PTPRK: variants seen among roughly 807,000 people sequenced by gnomAD.
PTPRK encodes protein tyrosine phosphatase receptor type K.
A neutral mutation model predicts 178.0 loss-of-function variants in PTPRK; 75 were observed. The observed-to-expected ratio is 0.42, with a 90% CI of 0.35 to 0.51. The LOEUF (loss-of-function observed/expected upper bound fraction) is 0.51, where lower values mean the gene tolerates loss of function less well. PTPRK is among the 20% of genes least tolerant of loss of function. The pLI, the probability that PTPRK is intolerant of heterozygous loss-of-function variation, is 0.02. For missense variants in PTPRK, 1,441 were observed against 1,797.8 expected, an observed-to-expected ratio of 0.80 and a Z score of 3.59; for synonymous variants, 637 against 620.6, an observed-to-expected ratio of 1.03 and a Z score of -0.39.
chr6:128,072,168 A>G (rs996601865), intron 11 of PTPRK, among the ~76,000 whole-genome samples: 3 of 151,962 alleles, frequency 2.0e-5, no homozygotes, highest in African/African-American at 4.8e-5. Context: ...AAACTTCAAA[A>G]ATATTTCTGT....
intron 1 of PTPRK, among the ~76,000 whole-genome samples, chr6:128,430,467 A>C (rs780085994): frequency 2.6e-5 from 4 of 152,212 alleles, no homozygotes; most frequent in Non-Finnish European, 5.9e-5. Context: ...GAATTTATCA[A>C]GTGTTCATTC....
At chr6:128,182,443 G>T (rs1026292290) in intron 7 of PTPRK, among the ~76,000 whole-genome samples, 3 of 151,924 alleles carry the variant, frequency 2.0e-5, no homozygotes, top group African/African-American at 2.4e-5. Flanking sequence ...GCATGGTAGC[G>T]CATGCCTGTA....
intron 6 of PTPRK, among the ~76,000 whole-genome samples, chr6:128,195,003 ATG>A (rs745479231): frequency 1.3e-5 from 2 of 152,120 alleles, no homozygotes; most frequent in African/African-American, 4.8e-5. Flanking sequence ...CTATTTATAG[ATG>A]TGTGTGTGTA....
intron 3 of PTPRK, among the ~76,000 whole-genome samples, chr6:128,302,215 C>T (rs773583672): frequency 1.1e-3 from 166 of 151,692 alleles, no homozygotes; most frequent in South Asian, 1.9e-3. Flanking sequence ...GGTGAAACCC[C>T]GTCTCTACTA....
intron 6 of PTPRK, among the ~76,000 whole-genome samples, chr6:128,193,161 T>C (rs1030790311): frequency 1.3e-5 from 2 of 150,596 alleles, no homozygotes; most frequent in African/African-American, 4.9e-5. Flanking sequence ...CTGACACTGA[T>C]ACATAGCACC....
chr6:128,336,999 A>G (rs761768849), intron 2 of PTPRK, among the ~76,000 whole-genome samples: 1 of 152,182 alleles, frequency 6.6e-6, no homozygotes, highest in Non-Finnish European at 1.5e-5. Flanking sequence ...AACCACCAGC[A>G]TGAATTCATA....
chr6:128,187,980 C>A (rs1803064647), intron 6 of PTPRK, among the ~76,000 whole-genome samples: 1 of 152,088 alleles, frequency 6.6e-6, no homozygotes, highest in South Asian at 2.1e-4. Context: ...ATAAATTATG[C>A]ATGAATTTTA....
intron 1 of PTPRK, among the ~76,000 whole-genome samples, chr6:128,444,273 A>T (rs1846656193): frequency 6.6e-6 from 1 of 152,150 alleles, no homozygotes; most frequent in East Asian, 1.9e-4. Context: ...AGAACCCTCC[A>T]ACCTATTATA....
chr6:128,107,324 T>G (rs1302190798), intron 7 of PTPRK, among the ~76,000 whole-genome samples: 1 of 152,288 alleles, frequency 6.6e-6, no homozygotes, highest in East Asian at 1.9e-4. Context: ...TTTCCTTTTC[T>G]TCTTTTACAT....
At chr6:128,431,175 T>C (rs1298479163) in intron 1 of PTPRK, among the ~76,000 whole-genome samples, 1 of 152,004 alleles carries the variant, frequency 6.6e-6, no homozygotes, top group African/African-American at 2.4e-5. Context: ...AGACCTCAAG[T>C]GATCCGCCCA....
At position 128,078,856 on chromosome 6, in the gene PTPRK, T is replaced by G; in HGVS notation, c.1840A>C (p.Thr614Pro). 6.2e-7 allele frequency: 1 copy of G among 1,612,352 alleles called. No individual in the cohort carries two copies. ...GCTTGTGCTGGTCTCAACAATACAG[T>G]TATTGTGGTGGCAGTTTCATTGAGA... ...ASLNETATTI[T>P]VLLRPAQAKG... The change falls in exon 11 of 30, where the codon ACT becomes CCT. Residue 614 changes from threonine to proline, a missense_variant. By Grantham distance (38) the Thr-to-Pro change is conservative. This residue lies in a region of PTPRK where 945 missense variants were observed against 1,080.6 expected (regional missense o/e 0.87). Transcript: ENST00000368226.
intron 13 of PTPRK, among the ~76,000 whole-genome samples, chr6:128,047,844 T>A (rs1223664073): frequency 6.6e-6 from 1 of 152,178 alleles, no homozygotes; most frequent in Admixed American, 6.5e-5. Context: ...AATGACTTTT[T>A]TTTTTTCAAA....
intron 13 of PTPRK, among the ~76,000 whole-genome samples, chr6:128,020,199 G>C (rs1016436189): frequency 1.3e-5 from 2 of 152,132 alleles, no homozygotes; most frequent in Admixed American, 6.5e-5. Context: ...TCCACATACT[G>C]ATTATTACAT....
intron 13 of PTPRK, among the ~76,000 whole-genome samples, chr6:128,020,994 G>A (rs1156729201): frequency 6.6e-6 from 1 of 152,122 alleles, no homozygotes; most frequent in East Asian, 1.9e-4. Context: ...ATATTAAACA[G>A]ATGAACCAGA....
At chr6:128,441,025 T>A (rs1209889669) in intron 1 of PTPRK, among the ~76,000 whole-genome samples, 1 of 152,156 alleles carries the variant, frequency 6.6e-6, no homozygotes, top group African/African-American at 2.4e-5. Flanking sequence ...CAACAGCATA[T>A]AAGAATTGCT....
intron 11 of PTPRK, among the ~76,000 whole-genome samples, chr6:128,077,229 T>C (rs1204884724): frequency 6.6e-6 from 1 of 151,992 alleles, no homozygotes; most frequent in Non-Finnish European, 1.5e-5. Flanking sequence ...TAGGAAAAGA[T>C]GTTGAGTGCA....
At chr6:128,188,042 C>T (rs552604062) in intron 6 of PTPRK, among the ~76,000 whole-genome samples, 22 of 152,190 alleles carry the variant, frequency 1.4e-4, no homozygotes, top group African/African-American at 5.3e-4. Context: ...TAATATTCTT[C>T]ATAACAATAC....
At chr6:128,225,840 G>A (rs545460106) in intron 5 of PTPRK, among the ~76,000 whole-genome samples, 1 of 152,236 alleles carries the variant, frequency 6.6e-6, no homozygotes, top group South Asian at 2.1e-4. Context: ...TCTGGCAATG[G>A]AAGGATGGAA....
chr6:128,071,268 C>A (rs1365672958), intron 11 of PTPRK, among the ~76,000 whole-genome samples: 2 of 151,898 alleles, frequency 1.3e-5, no homozygotes, highest in African/African-American at 4.8e-5. Context: ...ACTTTCTTTT[C>A]AACTCTGTTC....
Sources: allele counts gnomAD v4.1 joint callset (sites outside exome capture counted in the v4.1 genomes callset), GRCh38; gene constraint gnomAD v4.1.1; regional missense constraint gnomAD v4.1.1; transcripts MANE v1.5; gene names NCBI Gene and HGNC (gene_info 2026-07-23, HGNC 2026-07-21).